The following BMPR2 variants were observed in gnomAD, a reference collection of about 807,000 sequenced individuals.
BMPR2 encodes the protein bone morphogenetic protein receptor type-2.
A neutral mutation model predicts 100.8 loss-of-function variants in BMPR2; 29 were observed. The ratio of observed to expected loss-of-function variants is 0.29; its 90% CI spans 0.21 to 0.39. The LOEUF (loss-of-function observed/expected upper bound fraction) is 0.39. Among genes scored for constraint, BMPR2 ranks in the 10% least tolerant of loss-of-function variants. BMPR2 has a pLI of 1.00. For synonymous variants in BMPR2, 382 were observed against 442.3 expected, an observed-to-expected ratio of 0.86 and a Z score of 1.71; for missense variants, 1,011 against 1,274.5, an observed-to-expected ratio of 0.79 and a Z score of 3.15.
intron 1 of BMPR2, among the ~76,000 whole-genome samples, chr2:202,459,202 C>T (rs1692178039): frequency 6.6e-6 from 1 of 152,146 alleles, no homozygotes; most frequent in African/African-American, 2.4e-5. Context: ...TTTTTACCTA[C>T]TTTTAGTTGT....
At chr2:202,473,567 G>T (rs1277560815) in intron 3 of BMPR2, among the ~76,000 whole-genome samples, 1 of 152,130 alleles carries the variant, frequency 6.6e-6, no homozygotes, top group Non-Finnish European at 1.5e-5. Context: ...AAGGCGGGCG[G>T]CTCACTTGAG....
At position 202,376,473 on chromosome 2, in the gene BMPR2, C is replaced by G. The variant is rs1334852292; in HGVS notation, c.-1002C>G. On this transcript the variant is annotated 5_prime_UTR_variant, in exon 1 of 13. Coordinates refer to ENST00000374580, the MANE Select transcript of BMPR2 (RefSeq NM_001204.7). ...CGCCCCCCGCCCTCGGTCCGCGACGCCCGAGTTCCGTCAGGAGCCCAGAGC... is the reference window on the plus strand; with the variant it reads ...CGCCCCCCGCCCTCGGTCCGCGACGGCCGAGTTCCGTCAGGAGCCCAGAGC... Among the ~76,000 whole-genome samples the G allele has an allele frequency of 7.1e-6, 1 of 140,568 alleles. No individual in the cohort carries two copies. Among genetic ancestry groups the G allele is most frequent in the Non-Finnish European group, 1.6e-5 (1 of 64,424 alleles). The allele number at this position is 140,568 out of a possible 152,430, so 92.2% of individuals were successfully genotyped here. A position where few individuals can be genotyped will look rare whatever the true frequency, so the allele number is the denominator to read the frequency against.
chr2:202,560,028 G>A lies in BMPR2; in HGVS notation c.*82G>A, dbSNP rs1286866302. 1.9e-5 allele frequency: 30 copies of A among 1,551,642 alleles called. No homozygotes were observed. The East Asian group carries it at 6.8e-4, about 35-fold the overall frequency. On this transcript the variant is annotated 3_prime_UTR_variant, in exon 13 of 13. Transcript: ENST00000374580. Reference sequence around the variant, plus strand: ...GATGTTTAAAAATAAAAAAAAAACTGCTTTATCCTCCTGTCAGCACCCCCT... The same window carrying A: ...GATGTTTAAAAATAAAAAAAAAACTACTTTATCCTCCTGTCAGCACCCCCT...
intron 5 of BMPR2, among the ~76,000 whole-genome samples, chr2:202,516,664 A>G (rs1687719057): frequency 6.6e-6 from 1 of 152,168 alleles, no homozygotes; most frequent in African/African-American, 2.4e-5. Context: ...AAAAAGGACA[A>G]AAGGTATTAA....
intron 1 of BMPR2, among the ~76,000 whole-genome samples, chr2:202,427,491 A>C (rs1185212101): frequency 6.6e-6 from 1 of 151,846 alleles, no homozygotes; most frequent in Non-Finnish European, 1.5e-5. Flanking sequence ...AATTAAGTAA[A>C]AAGAAAAAAA....
At chr2:202,407,371 C>T (rs1690922480) in intron 1 of BMPR2, among the ~76,000 whole-genome samples, 1 of 152,196 alleles carries the variant, frequency 6.6e-6, no homozygotes, top group African/African-American at 2.4e-5. Flanking sequence ...GTGTCAGCCA[C>T]TGTGCCTGGC....
At chr2:202,405,735 G>T (rs1259949325) in intron 1 of BMPR2, among the ~76,000 whole-genome samples, 1 of 148,648 alleles carries the variant, frequency 6.7e-6, no homozygotes, top group East Asian at 2.0e-4. Flanking sequence ...GCTGCTAAAG[G>T]TACTAAAATA....
intron 1 of BMPR2, among the ~76,000 whole-genome samples, chr2:202,432,440 T>A (rs1223056736): frequency 6.6e-6 from 1 of 150,592 alleles, no homozygotes; most frequent in East Asian, 1.9e-4. Flanking sequence ...CATTTTTTGG[T>A]TGTAACATCT....
chr2:202,516,447 G>C (rs1687712419), intron 5 of BMPR2, among the ~76,000 whole-genome samples: 1 of 152,198 alleles, frequency 6.6e-6, no homozygotes, highest in Non-Finnish European at 1.5e-5. Flanking sequence ...GCCAAAGTGG[G>C]TGGATTGCTT....
intron 3 of BMPR2, among the ~76,000 whole-genome samples, chr2:202,491,556 TG>T (rs1371520527): frequency 3.3e-5 from 5 of 152,128 alleles, no homozygotes; most frequent in African/African-American, 1.2e-4. Context: ...CCAGAGTAGC[TG>T]GGATTACAGG....
chr2:202,510,398 A>C (rs1185358452), intron 3 of BMPR2, among the ~76,000 whole-genome samples: 4 of 152,154 alleles, frequency 2.6e-5, no homozygotes, highest in African/African-American at 9.6e-5. Context: ...GATAATATTC[A>C]GTGATAAAAG....
At chr2:202,380,188 G>GCC (rs35391357) in intron 1 of BMPR2, among the ~76,000 whole-genome samples, 9 of 147,142 alleles carry the variant, frequency 6.1e-5, no homozygotes, top group Non-Finnish European at 7.5e-5. Context: ...CATTTTCTAT[G>GCC]CCCCCCCCAA....
chr2:202,524,105 G>A (rs899541482), intron 7 of BMPR2, among the ~76,000 whole-genome samples: 1 of 152,156 alleles, frequency 6.6e-6, no homozygotes, highest in Admixed American at 6.5e-5. Context: ...GCTCACGCCT[G>A]TAATCCCAGC....
rs1688787186 is a variant in BMPR2, at chr2:202,567,694, A to C, written c.*7748A>C. 1 of 152,656 alleles carries C rather than the reference A, an allele frequency of 6.6e-6. No individual in the cohort carries two copies. The highest frequency in any genetic ancestry group is 1.5e-5 in the Non-Finnish European group (1 of 68,044). The allele number at this position is 152,656 out of a possible 1,614,324, so 9.5% of individuals were successfully genotyped here. On this transcript the variant is annotated 3_prime_UTR_variant, in exon 13 of 13. Coordinates refer to ENST00000374580, the MANE Select transcript of BMPR2 (RefSeq NM_001204.7). ...TTAAGGCAGTTCTTTAGGTTTAAAA[A>C]GGCTTGCTGTAAAATGGTGCGTTAT... is the stretch of plus-strand genomic sequence containing the variant.
intron 9 of BMPR2, among the ~76,000 whole-genome samples, chr2:202,538,252 G>A (rs895995739): frequency 2.0e-5 from 3 of 152,120 alleles, no homozygotes; most frequent in South Asian, 2.1e-4. Flanking sequence ...TCAGGAGTTC[G>A]AAACCAGCCG....
chr2:202,473,664 G>A (rs1456586711), intron 3 of BMPR2, among the ~76,000 whole-genome samples: 4 of 151,894 alleles, frequency 2.6e-5, no homozygotes, highest in South Asian at 2.1e-4. Flanking sequence ...GGTAGTGGGC[G>A]CCTGTAATCC....
chr2:202,389,200 G>T (rs1003276413), intron 1 of BMPR2, among the ~76,000 whole-genome samples: 3 of 151,890 alleles, frequency 2.0e-5, no homozygotes, highest in Non-Finnish European at 4.4e-5. Flanking sequence ...ACTTCAGCTT[G>T]GGTGACAGGT....
chr2:202,534,043 A>G (rs528362346), intron 9 of BMPR2, among the ~76,000 whole-genome samples: 24 of 152,196 alleles, frequency 1.6e-4, no homozygotes, highest in Admixed American at 3.9e-4. Context: ...AAAGCATAGA[A>G]AAAGGAACTA....
At chr2:202,513,275 A>G (rs1056512328) in intron 3 of BMPR2, among the ~76,000 whole-genome samples, 1 of 152,124 alleles carries the variant, frequency 6.6e-6, no homozygotes, top group Non-Finnish European at 1.5e-5. Context: ...CCAGCCAGAT[A>G]ATATATTCTT....
Sources: allele counts gnomAD v4.1 joint callset (sites outside exome capture counted in the v4.1 genomes callset), GRCh38; gene constraint gnomAD v4.1.1; transcripts MANE v1.5; gene names NCBI Gene and HGNC (gene_info 2026-07-23, HGNC 2026-07-21).